GRM8: variants seen among roughly 807,000 people sequenced by gnomAD.
GRM8 encodes the protein metabotropic glutamate receptor 8.
Under a neutral mutation model 87.2 loss-of-function variants are expected in GRM8, and 47 were observed. The ratio of observed to expected loss-of-function variants is 0.54; its 90% CI spans 0.43 to 0.69. GRM8 has a LOEUF of 0.69. Ranked by LOEUF, GRM8 falls within the 30% of genes least tolerant of loss-of-function variation. The probability of loss-of-function intolerance (pLI) is 0.00; values close to 1 mark genes in which losing one functional copy is unlikely to be tolerated. For synonymous variants in GRM8, 396 were observed against 404.5 expected, an observed-to-expected ratio of 0.98 and a Z score of 0.25; for missense variants, 1,019 against 1,139.2, an observed-to-expected ratio of 0.89 and a Z score of 1.52.
chr7:127,000,532 A>T (rs1262266660), intron 3 of GRM8, among the ~76,000 whole-genome samples: 3 of 151,734 alleles, frequency 2.0e-5, no homozygotes, highest in Non-Finnish European at 4.4e-5. Flanking sequence ...CTATGTACCT[A>T]CAAAAATTAA....
chr7:126,701,874 G>C (rs923521245), intron 7 of GRM8: 3 of 732,494 alleles, frequency 4.1e-6, no homozygotes, highest in Non-Finnish European at 6.4e-6. Flanking sequence ...ATGAGTTAAT[G>C]ACTATATGCC....
At chr7:127,198,825 C>CCA (rs1286950779) in intron 2 of GRM8, among the ~76,000 whole-genome samples, 3 of 147,294 alleles carry the variant, frequency 2.0e-5, no homozygotes, top group Non-Finnish European at 3.0e-5. Context: ...CAGGCAAGCA[C>CCA]CACCGTGCCT....
rs570859198 is a variant in GRM8, at chr7:127,212,945, C to T, written c.510+29750G>A. ...TAAATTCTGAGGTCCTGAATCTCCT[C>T]TGTAAATTCAACAGATAGATTTCTC... On this transcript the variant is annotated intron_variant, in intron 2 of 10. Coordinates refer to ENST00000339582, the MANE Select transcript of GRM8 (RefSeq NM_000845.3). 2.6e-5 allele frequency among the ~76,000 whole-genome samples: 4 copies of T among 152,280 alleles called. No homozygotes were observed. The South Asian group carries it at 8.3e-4, about 32-fold the overall frequency.
chr7:127,190,096 C>T (rs1314792675), intron 2 of GRM8, among the ~76,000 whole-genome samples: 1 of 152,180 alleles, frequency 6.6e-6, no homozygotes, highest in Non-Finnish European at 1.5e-5. Context: ...TATCAGCTGG[C>T]CTTGGCTGGG....
intron 2 of GRM8, among the ~76,000 whole-genome samples, chr7:127,139,042 T>C (rs1363355436): frequency 2.0e-5 from 3 of 152,146 alleles, no homozygotes; most frequent in Non-Finnish European, 2.9e-5. Context: ...AGGTCTTCTA[T>C]AATAATAAGT....
At chr7:126,729,244 T>C (rs866700504) in intron 7 of GRM8, among the ~76,000 whole-genome samples, 1 of 152,202 alleles carries the variant, frequency 6.6e-6, no homozygotes, top group African/African-American at 2.4e-5. Context: ...AGTGCTCTGA[T>C]GGCTTCACAC....
chr7:126,488,058 A>ATG (rs976853064), intron 9 of GRM8, among the ~76,000 whole-genome samples: 79 of 152,028 alleles, frequency 5.2e-4, no homozygotes, highest in African/African-American at 1.9e-3. Context: ...AGCAACCATC[A>ATG]TACTTTAAGG....
chr7:126,636,464 T>C (rs544087446), intron 7 of GRM8, among the ~76,000 whole-genome samples: 2 of 152,204 alleles, frequency 1.3e-5, no homozygotes, highest in Non-Finnish European at 2.9e-5. Context: ...TAAATAGCTG[T>C]TCCACTGTAT....
At chr7:127,072,078 G>A (rs1045415229) in intron 3 of GRM8, among the ~76,000 whole-genome samples, 2 of 151,858 alleles carry the variant, frequency 1.3e-5, no homozygotes, top group Admixed American at 1.3e-4. Context: ...ACATGGTGAG[G>A]TTTATGCTGT....
intron 3 of GRM8, among the ~76,000 whole-genome samples, chr7:126,926,300 C>T (rs989640342): frequency 2.6e-5 from 4 of 152,124 alleles, no homozygotes; most frequent in African/African-American, 7.2e-5. Flanking sequence ...GAAATTTTTG[C>T]AGCAATATCT....
intron 6 of GRM8, among the ~76,000 whole-genome samples, chr7:126,891,377 C>T (rs367938583): frequency 1.3e-3 from 202 of 152,096 alleles, no homozygotes; most frequent in African/African-American, 4.7e-3. Flanking sequence ...ATTATCCATA[C>T]TACAGCCAGA....
intron 9 of GRM8, among the ~76,000 whole-genome samples, chr7:126,499,227 T>G (rs563471827): frequency 6.2e-4 from 94 of 151,852 alleles, no homozygotes; most frequent in Non-Finnish European, 1.0e-3. Flanking sequence ...CTTAAGGTTC[T>G]ATTTTATTTT....
intron 3 of GRM8, among the ~76,000 whole-genome samples, chr7:127,055,460 T>C (rs151031868): frequency 1.3e-5 from 2 of 152,268 alleles, no homozygotes; most frequent in East Asian, 1.9e-4. Context: ...AACCAATTAG[T>C]AGAATATTGT....
chr7:127,067,311 T>C (rs955151906), intron 3 of GRM8, among the ~76,000 whole-genome samples: 11 of 152,262 alleles, frequency 7.2e-5, no homozygotes, highest in Admixed American at 2.0e-4. Flanking sequence ...CATATACCCA[T>C]CATCCTGTAG....
intron 3 of GRM8, among the ~76,000 whole-genome samples, chr7:127,027,186 T>A (rs149320387): frequency 3.3e-5 from 5 of 152,266 alleles, no homozygotes; most frequent in African/African-American, 1.2e-4. Context: ...TCTGTCCCAT[T>A]GGTCTATATA....
chr7:127,055,986 G>A (rs1819946713), intron 3 of GRM8, among the ~76,000 whole-genome samples: 1 of 152,122 alleles, frequency 6.6e-6, no homozygotes, highest in Admixed American at 6.5e-5. Flanking sequence ...GCTCAGGTAT[G>A]ACTGAACAGT....
chr7:127,219,028 T>C (rs547256402), intron 2 of GRM8, among the ~76,000 whole-genome samples: 2 of 152,334 alleles, frequency 1.3e-5, no homozygotes. Context: ...TCCTGAAACC[T>C]GCCTCTCATT....
At position 127,193,371 on chromosome 7, in the gene GRM8, A is replaced by G. The variant is rs972197978; in HGVS notation, c.510+49324T>C. Among the ~76,000 whole-genome samples the G allele has an allele frequency of 2.0e-5, 3 of 152,344 alleles. No homozygotes were observed. The East Asian group carries it at 5.8e-4, about 29-fold the overall frequency. On this transcript the variant is annotated intron_variant, in intron 2 of 10. Transcript: ENST00000339582. ...GAGAGTTTACACCATTGACCCAAGC[A>G]TATGTTTCAGGCTGTGGTGAAGCTT...
At chr7:126,457,912 G>A (rs1445030667) in intron 9 of GRM8, among the ~76,000 whole-genome samples, 2 of 149,122 alleles carry the variant, frequency 1.3e-5, no homozygotes, top group African/African-American at 4.9e-5. Context: ...AAGAAAACAA[G>A]AAACAAGACA....
Sources: gnomAD v4.1 joint callset for allele counts (sites outside exome capture counted in the v4.1 genomes callset) on GRCh38, gnomAD v4.1.1 for gene constraint, MANE v1.5 for transcripts, NCBI Gene and HGNC (gene_info 2026-07-23, HGNC 2026-07-21) for gene names.